Variants in ROR1 observed in about 807,000 individuals in gnomAD.
ROR1 encodes the protein inactive tyrosine-protein kinase transmembrane receptor ROR1.
Under a neutral mutation model 78.8 loss-of-function variants are expected in ROR1, and 19 were observed. The ratio of observed to expected loss-of-function variants is 0.24; its 90% confidence interval spans 0.17 to 0.35. The LOEUF is 0.35. Ranked by LOEUF, ROR1 falls within the 10% of genes least tolerant of loss-of-function variation. The pLI, the probability that ROR1 is intolerant of heterozygous loss-of-function variation, is 1.00. For missense variants in ROR1, 917 were observed against 1,177.8 expected, an observed-to-expected ratio of 0.78 and a Z score of 3.24; for synonymous variants, 386 against 433.6, an observed-to-expected ratio of 0.89 and a Z score of 1.36.
chr1:63,981,010 C>A (rs1326094770), intron 1 of ROR1, among the ~76,000 whole-genome samples: 1 of 151,492 alleles, frequency 6.6e-6, no homozygotes, highest in Non-Finnish European at 1.5e-5. Context: ...CTGGGAATTA[C>A]TGGAAGAAAA....
At chr1:63,969,582 C>T (rs1047457438) in intron 1 of ROR1, among the ~76,000 whole-genome samples, 16 of 152,260 alleles carry the variant, frequency 1.1e-4, no homozygotes, top group African/African-American at 3.8e-4. Context: ...TGCAAACTGG[C>T]TTCTCCTGTG....
At chr1:64,141,525 C>A (rs1009079295) in intron 6 of ROR1, among the ~76,000 whole-genome samples, 2 of 152,126 alleles carry the variant, frequency 1.3e-5, no homozygotes, top group Non-Finnish European at 2.9e-5. Flanking sequence ...GATTGCAATT[C>A]AACATGAGAT....
At chr1:63,902,063 A>AT (rs1210530457) in intron 1 of ROR1, among the ~76,000 whole-genome samples, 1 of 152,194 alleles carries the variant, frequency 6.6e-6, no homozygotes, top group Non-Finnish European at 1.5e-5. Flanking sequence ...ACCATGATAT[A>AT]TTTAAGTTAT....
intron 2 of ROR1, among the ~76,000 whole-genome samples, chr1:64,030,023 A>C (rs1164498751): frequency 1.3e-5 from 2 of 152,078 alleles, no homozygotes; most frequent in East Asian, 1.9e-4. Flanking sequence ...CCTACTCAAT[A>C]ATGATTTTTT....
chr1:63,876,103 G>A (rs185733329), intron 1 of ROR1, among the ~76,000 whole-genome samples: 2 of 152,228 alleles, frequency 1.3e-5, no homozygotes, highest in East Asian at 3.9e-4. Flanking sequence ...AAATAGAGGA[G>A]TCCCTCGTTC....
intron 1 of ROR1, among the ~76,000 whole-genome samples, chr1:63,968,748 T>C (rs951007487): frequency 6.6e-6 from 1 of 152,162 alleles, no homozygotes; most frequent in Non-Finnish European, 1.5e-5. Flanking sequence ...CTGGGCTCCA[T>C]GTCCATGGCA....
intron 1 of ROR1, among the ~76,000 whole-genome samples, chr1:63,866,070 T>C (rs1165067391): frequency 1.3e-5 from 2 of 152,182 alleles, no homozygotes; most frequent in Non-Finnish European, 2.9e-5. Flanking sequence ...GAGAGGTTAC[T>C]GGTCATGTTC....
chr1:64,067,444 C>CAAAAAAAAAAAAA (rs58105318), intron 4 of ROR1, among the ~76,000 whole-genome samples: 1 of 57,476 alleles, frequency 1.7e-5, no homozygotes, highest in Non-Finnish European at 3.3e-5. Context: ...GCCTCCGTCT[C>CAAAAAAAAAAAAA]AAAAAAAAAA....
At chr1:63,846,520 A>G (rs975005566) in intron 1 of ROR1, among the ~76,000 whole-genome samples, 12 of 152,172 alleles carry the variant, frequency 7.9e-5, no homozygotes, top group Admixed American at 7.9e-4. Context: ...TTTCCCAACC[A>G]GATGTACTGG....
chr1:64,027,701 T>A (rs1646625339), intron 2 of ROR1, among the ~76,000 whole-genome samples: 2 of 152,110 alleles, frequency 1.3e-5, no homozygotes, highest in Admixed American at 6.6e-5. Context: ...TTTTCTTTTT[T>A]TTTTTTTGAA....
chr1:63,843,291 T>G, intron 1 of ROR1: 2 of 1,375,280 alleles, frequency 1.5e-6, no homozygotes, highest in Non-Finnish European at 2.1e-6. Context: ...TGTGTGTAAT[T>G]CATGCTTGAT....
At chr1:64,005,858 T>A (rs1027861461) in intron 1 of ROR1, among the ~76,000 whole-genome samples, 5 of 152,226 alleles carry the variant, frequency 3.3e-5, no homozygotes, top group African/African-American at 1.2e-4. Flanking sequence ...TATTATCATT[T>A]TATCTGAGAA....
At chr1:64,127,078 A>C (rs1260208545) in intron 4 of ROR1, among the ~76,000 whole-genome samples, 5 of 152,178 alleles carry the variant, frequency 3.3e-5, no homozygotes, top group Non-Finnish European at 7.4e-5. Context: ...ACTGTTAAGC[A>C]CTTGGGCAAT....
chr1:64,076,907 A>G (rs1260768), intron 4 of ROR1, among the ~76,000 whole-genome samples: 48,162 of 152,084 alleles, frequency 0.32, 9,118 homozygotes, highest in African/African-American at 0.53. Context: ...CTTAGCTATT[A>G]GTTAATTGAG....
chr1:63,950,548 GT>G (rs1645927116), intron 1 of ROR1, among the ~76,000 whole-genome samples: 1 of 152,160 alleles, frequency 6.6e-6, no homozygotes, highest in Admixed American at 6.5e-5. Context: ...TAGTAGCAGG[GT>G]TTTTGTGACC....
chr1:63,921,262 G>A (rs191219119), intron 1 of ROR1, among the ~76,000 whole-genome samples: 6 of 152,182 alleles, frequency 3.9e-5, no homozygotes, highest in East Asian at 3.9e-4. Flanking sequence ...CGTTTGGATC[G>A]CCTGGGAATC....
chr1:64,076,820 T>G (rs1647053691), intron 4 of ROR1, among the ~76,000 whole-genome samples: 1 of 152,238 alleles, frequency 6.6e-6, no homozygotes, highest in Non-Finnish European at 1.5e-5. Context: ...TATGCTAATT[T>G]TAACAAATTT....
intron 1 of ROR1, among the ~76,000 whole-genome samples, chr1:64,004,850 C>T (rs972053984): frequency 6.6e-6 from 1 of 152,104 alleles, no homozygotes; most frequent in Admixed American, 6.6e-5. Context: ...GCCAAAAAGT[C>T]AATCCTCCGA....
intron 4 of ROR1, among the ~76,000 whole-genome samples, chr1:64,087,511 T>C (rs1209378933): frequency 1.3e-5 from 2 of 152,224 alleles, no homozygotes; most frequent in African/African-American, 2.4e-5. Context: ...TAGGTGGAGC[T>C]GAACCATTTA....
Sources: allele counts gnomAD v4.1 joint callset (sites outside exome capture counted in the v4.1 genomes callset), GRCh38; gene constraint gnomAD v4.1.1; transcripts MANE v1.5; gene names NCBI Gene and HGNC (gene_info 2026-07-23, HGNC 2026-07-21).